The following SPHKAP variants were observed in gnomAD, a reference collection of about 807,000 sequenced individuals.
The protein encoded by SPHKAP is SPHK1 interactor, AKAP domain containing.
SPHKAP carries 67 observed loss-of-function variants against 137.5 expected under a neutral mutation model. That is an observed-to-expected ratio of 0.49 (90% CI 0.40 to 0.60). The LOEUF is 0.60. Among genes scored for constraint, SPHKAP ranks in the 20% least tolerant of loss-of-function variants. The pLI is 0.00. For synonymous variants in SPHKAP, 813 were observed against 785.3 expected (o/e 1.04, Z -0.59); for missense variants, 2,097 against 2,069.3 (o/e 1.01, Z -0.26).
intron 7 of SPHKAP, among the ~76,000 whole-genome samples, chr2:228,003,568 C>A (rs147848779): frequency 6.6e-6 from 1 of 152,104 alleles, no homozygotes; most frequent in Non-Finnish European, 1.5e-5. Flanking sequence ...TTCCCCTGCC[C>A]GATTGCCCTG....
chr2:228,105,850 T>TA (rs1416017577), intron 3 of SPHKAP, among the ~76,000 whole-genome samples: 2 of 152,286 alleles, frequency 1.3e-5, no homozygotes, highest in Non-Finnish European at 1.5e-5. Context: ...GTGAGTTCAT[T>TA]AAACCTCTTT....
intron 3 of SPHKAP, among the ~76,000 whole-genome samples, chr2:228,078,380 CTT>C (rs11322966): frequency 5.4e-4 from 69 of 128,160 alleles, no homozygotes; most frequent in African/African-American, 8.9e-4. Flanking sequence ...TGTTGGCAGA[CTT>C]TTTTTTTTTT....
At chr2:228,136,457 T>C (rs1056519040) in intron 1 of SPHKAP, among the ~76,000 whole-genome samples, 1 of 152,226 alleles carries the variant, frequency 6.6e-6, no homozygotes, top group Admixed American at 6.5e-5. Context: ...GCCACTGTAC[T>C]GCTACCACTG....
At chr2:228,152,025 C>A (rs567592518) in intron 1 of SPHKAP, among the ~76,000 whole-genome samples, 1 of 152,126 alleles carries the variant, frequency 6.6e-6, no homozygotes, top group African/African-American at 2.4e-5. Flanking sequence ...ATTTGTTATC[C>A]ATTTAGAAAT....
At chr2:228,170,211 ATT>A (rs1363106030) in intron 1 of SPHKAP, among the ~76,000 whole-genome samples, 1 of 152,112 alleles carries the variant, frequency 6.6e-6, no homozygotes, top group Non-Finnish European at 1.5e-5. Flanking sequence ...GAGCAAATAA[ATT>A]TTTTTGTTTG....
chr2:228,156,128 T>C (rs1250905293), intron 1 of SPHKAP, among the ~76,000 whole-genome samples: 1 of 152,244 alleles, frequency 6.6e-6, no homozygotes, highest in African/African-American at 2.4e-5. Flanking sequence ...TAAGATCTTT[T>C]ATGTATACTT....
intron 1 of SPHKAP, among the ~76,000 whole-genome samples, chr2:228,161,971 T>G (rs1235612190): frequency 6.6e-6 from 1 of 152,252 alleles, no homozygotes; most frequent in African/African-American, 2.4e-5. Flanking sequence ...TTCAAGTTCA[T>G]ATTCCTTCAG....
At chr2:228,131,534 A>T (rs1488311836) in intron 2 of SPHKAP, among the ~76,000 whole-genome samples, 1 of 151,816 alleles carries the variant, frequency 6.6e-6, no homozygotes, top group Admixed American at 6.6e-5. Context: ...AGAAAATACA[A>T]TTCTGTTTTT....
intron 3 of SPHKAP, among the ~76,000 whole-genome samples, chr2:228,104,280 TATC>T (rs1456852670): frequency 7.8e-6 from 1 of 128,716 alleles, no homozygotes; most frequent in Admixed American, 9.2e-5. Flanking sequence ...ATATATTATA[TATC>T]ATTATATCAT....
At chr2:228,172,218 A>T (rs1700606548) in intron 1 of SPHKAP, among the ~76,000 whole-genome samples, 1 of 152,206 alleles carries the variant, frequency 6.6e-6, no homozygotes, top group Admixed American at 6.6e-5. Context: ...AAAGCATATG[A>T]TACAACACCA....
intron 3 of SPHKAP, among the ~76,000 whole-genome samples, chr2:228,034,604 T>C (rs958663625): frequency 6.6e-6 from 1 of 152,142 alleles, no homozygotes. Flanking sequence ...CCAATATCCT[T>C]GATGAACATT....
At chr2:228,012,321 A>G (rs1694419059) in intron 7 of SPHKAP, among the ~76,000 whole-genome samples, 1 of 152,268 alleles carries the variant, frequency 6.6e-6, no homozygotes, top group African/African-American at 2.4e-5. Flanking sequence ...TTCATACCTA[A>G]AAGGATGTTT....
intron 1 of SPHKAP, among the ~76,000 whole-genome samples, chr2:228,163,431 T>C (rs1700333460): frequency 3.3e-5 from 5 of 152,210 alleles, no homozygotes. Context: ...AGCTTTTATG[T>C]TCACTATGCA....
chr2:228,181,467 G>T lies in SPHKAP; in HGVS notation c.32+100C>A. 2 of 1,536,868 alleles carry T rather than the reference G, an allele frequency of 1.3e-6. No individual in the cohort carries two copies. The highest frequency in any genetic ancestry group is 1.7e-4 in the Middle Eastern group (1 of 5,898). On this transcript the variant is annotated intron_variant, in intron 1 of 11. Transcript: ENST00000392056. The surrounding 1 kb of genome is among the most constrained non-coding windows in gnomAD (Gnocchi z 4.3). The stretch of plus-strand genomic sequence containing the variant: ...CCCCTGTCTCCTCGCTGGGAGCCCC[G>T]TGCAAACCGAAGCGCTCTGGGGCAA...
At position 227,981,631 on chromosome 2, in the gene SPHKAP, T is replaced by G; in HGVS notation, c.*86A>C. On this transcript the variant is annotated 3_prime_UTR_variant, in exon 12 of 12. Transcript: ENST00000392056. ...GTTCTGCTAATGTGATGTGATGTTT[T>G]GAGAATGTTTAGAGCATTTAGAACA... The G allele has an allele frequency of 1.4e-6, 2 of 1,479,430 alleles. No individual in the cohort carries two copies. The highest frequency in any genetic ancestry group is 1.8e-6 in the Non-Finnish European group (2 of 1,103,764). 91.6% of individuals were successfully genotyped at this position (1,479,430 alleles called of 1,614,324 possible). A position where few individuals can be genotyped will look rare whatever the true frequency, so the allele number is the denominator to read the frequency against.
Position 228,017,833 on chromosome 2 carries a change from C to T in SPHKAP, c.3021G>A (p.Thr1007=), listed in dbSNP as rs367599674. 4.2e-5 allele frequency: 68 copies of T among 1,613,916 alleles called. No individual in the cohort carries two copies. The highest frequency in any genetic ancestry group is 1.6e-4 in the Middle Eastern group (1 of 6,084). Residue 1007 remains threonine, a synonymous_variant, in exon 7 of 12, where the codon ACG becomes ACA. Coordinates refer to ENST00000392056, the MANE Select transcript of SPHKAP (RefSeq NM_001142644.2). The part of the protein sequence containing the change: ...PPRLSEIKRK[T]DEHPELKEKL... ...TTTCTTTAAGCTCAGGGTGCTCGTCCGTCTTCCTCTTGATCTCACTGAGCC... is the reference window on the plus strand; with the variant it reads ...TTTCTTTAAGCTCAGGGTGCTCGTCTGTCTTCCTCTTGATCTCACTGAGCC...
intron 8 of SPHKAP, 116 bp downstream of exon 8, chr2:227,995,393 T>G: frequency 7.6e-7 from 1 of 1,312,242 alleles, no homozygotes; most frequent in Non-Finnish European, 1.1e-6. Context: ...AACTTTCCTT[T>G]TTTTGTTCTC....
intron 2 of SPHKAP, among the ~76,000 whole-genome samples, chr2:228,113,455 G>C (rs1001826756): frequency 1.3e-5 from 2 of 152,092 alleles, no homozygotes; most frequent in Non-Finnish European, 2.9e-5. Flanking sequence ...CCCAGGCTTA[G>C]AGGGATCAAT....
Position 228,065,518 on chromosome 2 carries a change from G to A in SPHKAP, c.247-37975C>T, listed in dbSNP as rs115095813. Among the ~76,000 whole-genome samples, 1,007 of 152,240 alleles carry A rather than the reference G, an allele frequency of 6.6e-3. 15 individuals are homozygous for A. The highest frequency in any genetic ancestry group is 0.022 in the African/African-American group (921 of 41,552). On this transcript the variant is annotated intron_variant, in intron 3 of 11. Coordinates refer to ENST00000392056, the MANE Select transcript of SPHKAP (RefSeq NM_001142644.2). ...CCGCAAGTCTAAACTATTTCAAAAAGTTTGGCTATAAAAGGGGGCACTGAG... is the reference window on the plus strand; with the variant it reads ...CCGCAAGTCTAAACTATTTCAAAAAATTTGGCTATAAAAGGGGGCACTGAG...
Sources: allele counts gnomAD v4.1 joint callset (sites outside exome capture counted in the v4.1 genomes callset), GRCh38; gene constraint gnomAD v4.1.1; non-coding constraint Gnocchi (gnomAD v3.1); transcripts MANE v1.5; gene names NCBI Gene and HGNC (gene_info 2026-07-23, HGNC 2026-07-21).